PIK3R3: variants seen among roughly 807,000 people sequenced by gnomAD.
PIK3R3 encodes the protein phosphatidylinositol 3-kinase regulatory subunit gamma.
Under a neutral mutation model 62.9 loss-of-function variants are expected in PIK3R3, and 64 were observed. The ratio of observed to expected loss-of-function variants is 1.02; its 90% CI spans 0.83 to 1.25. PIK3R3 has a LOEUF of 1.25. Among genes scored for constraint, PIK3R3 ranks in the 50% most tolerant of loss-of-function variants. The pLI, the probability that PIK3R3 is intolerant of heterozygous loss-of-function variation, is 0.00. For synonymous variants in PIK3R3, 165 were observed against 189.0 expected (o/e 0.87, Z 1.04); for missense variants, 614 against 561.6 (o/e 1.09, Z -0.94).
chr1:46,119,170 G>A (rs185070926), intron 1 of PIK3R3, among the ~76,000 whole-genome samples: 86 of 152,184 alleles, frequency 5.7e-4, no homozygotes, highest in African/African-American at 2.0e-3. Context: ...TTTATTCTCT[G>A]CTCTCCTCAC....
intron 1 of PIK3R3, among the ~76,000 whole-genome samples, chr1:46,082,035 C>T (rs1024625187): frequency 2.6e-5 from 4 of 151,964 alleles, no homozygotes; most frequent in African/African-American, 4.8e-5. Context: ...AAACAAAGAT[C>T]GATGAGGACC....
At chr1:46,071,151 G>A (rs1216565889) in intron 3 of PIK3R3, among the ~76,000 whole-genome samples, 1 of 151,628 alleles carries the variant, frequency 6.6e-6, no homozygotes, top group Non-Finnish European at 1.5e-5. Flanking sequence ...CCATAACTTT[G>A]ATGAAATTAT....
intron 1 of PIK3R3, among the ~76,000 whole-genome samples, chr1:46,123,540 T>C (rs191278847): frequency 9.7e-4 from 148 of 152,240 alleles, no homozygotes; most frequent in Non-Finnish European, 1.9e-3. Flanking sequence ...AAAAGAACAG[T>C]AAAACAATGA....
At chr1:46,163,474 AGG>A in the PIK3R3 span, among the ~76,000 whole-genome samples, 1 of 152,190 alleles carries the variant, frequency 6.6e-6, no homozygotes, top group African/African-American at 2.4e-5. Context: ...TTGAGGTCCA[AGG>A]ACACATTCTG....
chr1:46,118,908 C>G (rs1433710329), intron 1 of PIK3R3, among the ~76,000 whole-genome samples: 1 of 151,924 alleles, frequency 6.6e-6, no homozygotes, highest in East Asian at 1.9e-4. Flanking sequence ...ATACTGGCCT[C>G]CTAGATGATC....
chr1:46,147,622 T>C, the PIK3R3 span, among the ~76,000 whole-genome samples: 1 of 150,700 alleles, frequency 6.6e-6, no homozygotes, highest in African/African-American at 2.5e-5. Context: ...AGTTTCACTG[T>C]GTTAGCCGGG....
chr1:46,108,006 T>C (rs984654903), intron 1 of PIK3R3, among the ~76,000 whole-genome samples: 6 of 152,198 alleles, frequency 3.9e-5, no homozygotes, highest in Admixed American at 2.6e-4. Context: ...TCTTCACCTA[T>C]AAAGAAGAAC....
the PIK3R3 span, among the ~76,000 whole-genome samples, chr1:46,143,239 T>C: frequency 3.3e-5 from 5 of 152,230 alleles, no homozygotes; most frequent in African/African-American, 1.2e-4. Context: ...TCACTGCTAA[T>C]GGGTTAAGGC....
chr1:46,152,283 G>A, the PIK3R3 span, among the ~76,000 whole-genome samples: 1 of 152,052 alleles, frequency 6.6e-6, no homozygotes, highest in Non-Finnish European at 1.5e-5. Context: ...TCTCCATATC[G>A]GGTATCTACC....
At chr1:46,141,920 A>G in the PIK3R3 span, among the ~76,000 whole-genome samples, 1 of 152,238 alleles carries the variant, frequency 6.6e-6, no homozygotes, top group Non-Finnish European at 1.5e-5. Context: ...GTCTCTGGTC[A>G]TAATTGGGAT....
chr1:46,055,202 G>T (rs902547075), intron 7 of PIK3R3, among the ~76,000 whole-genome samples: 1 of 151,328 alleles, frequency 6.6e-6, no homozygotes, highest in Non-Finnish European at 1.5e-5. Context: ...TCCGCCTCCA[G>T]GGTTCAAGTG....
rs78119292 is a variant in PIK3R3, at chr1:46,082,409, A to T, written c.107-1659T>A. Among the ~76,000 whole-genome samples, 83 of 152,336 alleles carry T rather than the reference A, an allele frequency of 5.4e-4. No homozygotes were observed. The East Asian group carries it at 0.013, about 24-fold the overall frequency. On this transcript the variant is annotated intron_variant, in intron 1 of 9. Coordinates refer to ENST00000262741, the MANE Select transcript of PIK3R3 (RefSeq NM_003629.4). The stretch of plus-strand genomic sequence containing the variant: ...GAAGACTAAAGAATCCTGACAATTA[A>T]ATGCAATGTGTAATTCTGGACTGGA...
the PIK3R3 span, among the ~76,000 whole-genome samples, chr1:46,142,079 T>A: frequency 6.6e-6 from 1 of 152,240 alleles, no homozygotes; most frequent in Non-Finnish European, 1.5e-5. Flanking sequence ...CTTCCTGTAT[T>A]CATCCCTTCA....
At position 46,041,860 on chromosome 1, in the gene PIK3R3, C is replaced by T. The variant is rs1051771495; in HGVS notation, c.*1813G>A. The T allele has an allele frequency of 4.7e-6, 1 of 213,298 alleles. No homozygotes were observed. The highest frequency in any genetic ancestry group is 9.5e-6 in the Non-Finnish European group (1 of 105,404). The allele number at this position is 213,298 out of a possible 1,614,324, so 13.2% of individuals were successfully genotyped here. On this transcript the variant is annotated 3_prime_UTR_variant, in exon 10 of 10. Coordinates refer to ENST00000262741, the MANE Select transcript of PIK3R3 (RefSeq NM_003629.4). ...AGAGAAGCACTTCCCTTTCTATCCTCGTCACTAGTAACTGGAGGTTTTTCC... is the reference window on the plus strand; with the variant it reads ...AGAGAAGCACTTCCCTTTCTATCCTTGTCACTAGTAACTGGAGGTTTTTCC...
intron 1 of PIK3R3, among the ~76,000 whole-genome samples, chr1:46,124,539 G>A (rs1425762262): frequency 2.0e-5 from 3 of 152,206 alleles, no homozygotes; most frequent in African/African-American, 7.2e-5. Context: ...GCTCACACCT[G>A]TAATCCCAGC....
intron 1 of PIK3R3, among the ~76,000 whole-genome samples, chr1:46,090,596 G>T (rs1352187592): frequency 6.6e-6 from 1 of 151,878 alleles, no homozygotes; most frequent in African/African-American, 2.4e-5. Flanking sequence ...GCCTCCCAAA[G>T]TATTGGGATT....
intron 5 of PIK3R3, among the ~76,000 whole-genome samples, chr1:46,064,982 G>A (rs1435937877): frequency 6.6e-6 from 1 of 152,098 alleles, no homozygotes; most frequent in Non-Finnish European, 1.5e-5. Flanking sequence ...CTACTAGAAA[G>A]AGCCCAAGGT....
Position 46,093,661 on chromosome 1 carries a change from G to A in PIK3R3, c.107-12911C>T, listed in dbSNP as rs1265027083. 5.3e-5 allele frequency among the ~76,000 whole-genome samples: 8 copies of A among 151,878 alleles called. No individual in the cohort carries two copies. In the South Asian group the frequency reaches 6.2e-4, roughly 12 times the overall value. On this transcript the variant is annotated intron_variant, in intron 1 of 9. Transcript: ENST00000262741. ...TCCTAGCACTTTGGGAGGCCTACGC[G>A]GGCAGATCACTTGAGTCCAGGAGTT...
the PIK3R3 span, among the ~76,000 whole-genome samples, chr1:46,167,067 C>T: frequency 1.3e-5 from 2 of 152,264 alleles, no homozygotes; most frequent in Non-Finnish European, 2.9e-5. Context: ...ACCTGCTTCG[C>T]TCCCACCCGC....
Sources: allele counts gnomAD v4.1 joint callset (sites outside exome capture counted in the v4.1 genomes callset), GRCh38; gene constraint gnomAD v4.1.1; transcripts MANE v1.5; gene names NCBI Gene and HGNC (gene_info 2026-07-23, HGNC 2026-07-21).